The following TRAF3IP3 variants were observed in gnomAD, a reference collection of about 807,000 sequenced individuals.
TRAF3IP3 encodes TRAF3-interacting JNK-activating modulator.
In TRAF3IP3, 64 loss-of-function variants were observed where a neutral mutation model predicts 86.5. That is an observed-to-expected ratio of 0.74 (90% confidence interval 0.60 to 0.91). The LOEUF is 0.91. Ranked by LOEUF, TRAF3IP3 falls within the 40% of genes least tolerant of loss-of-function variation. TRAF3IP3 has a pLI of 0.00. For missense variants in TRAF3IP3, 579 were observed against 642.9 expected (o/e 0.90, Z 1.07); for synonymous variants, 220 against 243.9 (o/e 0.90, Z 0.91).
chr1:209,768,624 G>A (rs747490869), intron 8 of TRAF3IP3: 22 of 985,742 alleles, frequency 2.2e-5, no homozygotes, highest in African/African-American at 3.5e-5. Flanking sequence ...GGAAAACCAC[G>A]CAGAAGCAGG....
At position 209,762,630 on chromosome 1, in the gene TRAF3IP3, C is replaced by G; in HGVS notation, c.461C>G (p.Thr154Ser). The G allele has an allele frequency of 6.7e-7, 1 of 1,482,614 alleles. No homozygotes were observed. Among genetic ancestry groups the G allele is most frequent in the Admixed American group, 2.1e-5 (1 of 46,854 alleles). 91.8% of individuals were successfully genotyped at this position (1,482,614 alleles called of 1,614,324 possible). A position where few individuals can be genotyped will look rare whatever the true frequency, so the allele number is the denominator to read the frequency against. The change falls in exon 4 of 17, where the codon ACT becomes AGT. Residue 154 changes from threonine (T) to serine (S), a missense_variant. Thr to Ser is a moderately conservative substitution (Grantham distance 58, BLOSUM62 1). Coordinates refer to ENST00000367025, the MANE Select transcript of TRAF3IP3 (RefSeq NM_025228.4). ...GCTGGGGGCCTTCCTCCACAGGACA[C>G]TCCCATCAAGAAGCCACCCAAACAC... Reference protein sequence around the residue: ...SQAGGLPPQDTPIKKPPKHHR... With the variant: ...SQAGGLPPQDSPIKKPPKHHR...
Position 209,760,038 on chromosome 1 carries a change from T to A in TRAF3IP3, c.-2T>A. 6.2e-7 allele frequency: 1 copy of A among 1,604,142 alleles called. No homozygotes were observed. The highest frequency in any genetic ancestry group is 1.7e-5 in the Admixed American group (1 of 59,782). On this transcript the variant is annotated 5_prime_UTR_variant, in exon 3 of 17. Transcript: ENST00000367025. ...AAGCGCAACAGGTGCTTGGAGGTCA[T>A]CATGATCAGCCCAGACCCCAGGCCC...
rs1211652210 is a variant in TRAF3IP3, at chr1:209,775,755, G to A, written c.1053+19G>A. ...ACTGCAGGTACCAGGCACTGGGGGT[G>A]GGGAGGGAAGACAGGGTATGGGGAG... On this transcript the variant is annotated intron_variant, in intron 11 of 16. Coordinates refer to ENST00000367025, the MANE Select transcript of TRAF3IP3 (RefSeq NM_025228.4). 8.8e-6 allele frequency: 14 copies of A among 1,599,068 alleles called. No individual in the cohort carries two copies. The highest frequency in any genetic ancestry group is 1.2e-5 in the Non-Finnish European group (14 of 1,172,610).
intron 8 of TRAF3IP3, among the ~76,000 whole-genome samples, chr1:209,771,936 CAGGTGTGCGTGTGCATGTGA>C (rs2077548267): frequency 1.3e-5 from 1 of 78,438 alleles, no homozygotes; most frequent in Non-Finnish European, 2.5e-5. Flanking sequence ...TGTGCATATG[CAGGTGTGCGTGTGCATGTGA>C]AGGTGTGTGT....
In TRAF3IP3 at chr1:209,781,384, G is replaced by A. The variant is rs750146479; in HGVS notation, c.1489G>A (p.Glu497Lys). ...LHSELDNLSD[E>K]YLSCLRKLQH... ...TTCAGAATTAGACAACCTCAGTGAC[G>A]AGTATCTCTCCTGCCTGCGTAAGCT... is the stretch of plus-strand genomic sequence containing the variant. The change falls in exon 16 of 17, where the codon GAG becomes AAG. Residue 497 changes from glutamate (E) to lysine (K), a missense_variant. Transcript: ENST00000367025. 4.5e-5 allele frequency: 72 copies of A among 1,613,382 alleles called. No individual in the cohort carries two copies. Among genetic ancestry groups the A allele is most frequent in the Admixed American group, 1.0e-4 (6 of 59,994 alleles).
intron 8 of TRAF3IP3, among the ~76,000 whole-genome samples, chr1:209,770,346 G>A (rs1018382349): frequency 6.6e-6 from 1 of 151,940 alleles, no homozygotes; most frequent in Non-Finnish European, 1.5e-5. Context: ...TGTGGAGATG[G>A]AAGTGTGTAT....
At chr1:209,778,796 A>C in intron 13 of TRAF3IP3, 1 of 157,536 alleles carries the variant, frequency 6.3e-6, no homozygotes, top group Non-Finnish European at 1.4e-5. Context: ...GAGACATGGT[A>C]GGGGGAGATA....
chr1:209,759,942 T>TCTGACCCCTCCCCTTCTC (rs2102428141), intron 2 of TRAF3IP3, 40 bp from the exon 3 acceptor site: 2 of 1,002,208 alleles, frequency 2.0e-6, no homozygotes, highest in Non-Finnish European at 3.1e-6. Flanking sequence ...CTGCCCATCT[T>TCTGACCCCTCCCCTTCTC]CTGACCCCTC....
At chr1:209,778,284 C>A in intron 13 of TRAF3IP3, 111 bp downstream of exon 13, 1 of 766,906 alleles carries the variant, frequency 1.3e-6, no homozygotes, top group Non-Finnish European at 2.2e-6. Flanking sequence ...TATGCTCTAA[C>A]TCTGTGCACT....
rs1276722718 is a variant in TRAF3IP3 at position 209,763,208 on chromosome 1, G to T, written c.576+116G>T. On this transcript the variant is annotated intron_variant, in intron 6 of 16. Coordinates refer to ENST00000367025, the MANE Select transcript of TRAF3IP3 (RefSeq NM_025228.4). ...GGGCATCTTCTTCCTGGATGGCAAG[G>T]GGGTACTGAGCATAGACATGGGGAC... 18 of 1,385,216 alleles carry T rather than the reference G, an allele frequency of 1.3e-5. 1 individual carries two copies. In the Admixed American group the frequency reaches 2.9e-4, roughly 22 times the overall value. 85.8% of individuals were successfully genotyped at this position (1,385,216 alleles called of 1,614,324 possible). A position where few individuals can be genotyped will look rare whatever the true frequency, so the allele number is the denominator to read the frequency against.
At chr1:209,776,000 C>T in intron 11 of TRAF3IP3, 1 of 357,742 alleles carries the variant, frequency 2.8e-6, no homozygotes, top group South Asian at 5.7e-5. Context: ...AAAGAACTGG[C>T]TGGAATATTC....
In TRAF3IP3 at chr1:209,780,484, G is replaced by T. The variant is rs758375285; in HGVS notation, c.1327G>T (p.Val443Leu). The T allele has an allele frequency of 1.9e-6, 3 of 1,592,492 alleles. No homozygotes were observed. The highest frequency in any genetic ancestry group is 1.7e-5 in the Admixed American group (1 of 58,182). ...TGCTTTTTTAGATCAGGCTTTGCCC[G>T]TGTGGAGTCCAAAGTCCTTCCCTAA... ...LLTKKDQALP[V>L]WSPKSFPNEV... The change falls in exon 15 of 17, where the codon GTG becomes TTG. Residue 443 changes from valine to leucine, a missense_variant. Transcript: ENST00000367025.
chr1:209,764,956 C>T (rs1051077235), intron 8 of TRAF3IP3, among the ~76,000 whole-genome samples: 16 of 152,074 alleles, frequency 1.1e-4, no homozygotes, highest in African/African-American at 3.6e-4. Flanking sequence ...AGGAAGATCA[C>T]CTGAGGTCAG....
intron 16 of TRAF3IP3, 135 bp from the exon 17 acceptor site, chr1:209,781,921 C>G (rs1388323931): frequency 1.5e-6 from 1 of 657,700 alleles, no homozygotes; most frequent in African/African-American, 1.8e-5. Flanking sequence ...AAATGGGAGA[C>G]AGAGTAAAAA....
intron 12 of TRAF3IP3, chr1:209,777,879 T>G: frequency 1.7e-6 from 1 of 586,964 alleles, no homozygotes. Context: ...GAGGACTAGA[T>G]AGTGTGTAAA....
rs771675397 is a variant in TRAF3IP3, at chr1:209,782,122, GC to G, written c.1632del (p.Asn545IlefsTer5). 1 of 1,614,014 alleles carries G rather than the reference GC, an allele frequency of 6.2e-7. No individual in the cohort carries two copies. Among genetic ancestry groups the G allele is most frequent in the African/African-American group, 1.3e-5 (1 of 74,910 alleles). On this transcript the variant is annotated frameshift_variant, in exon 17 of 17. Transcript: ENST00000367025. LOFTEE classifies it high-confidence loss of function. The stretch of plus-strand genomic sequence containing the variant: ...TGCTGCAGCACTGGCAGTGTTCCTG[GC>G]CAATAAAGACAACCTGATGATCTGA... ...VIAAALAVFL[A>X]NKDNLMI
chr1:209,770,702 TGTG>T (rs2077462297), intron 8 of TRAF3IP3, among the ~76,000 whole-genome samples: 1 of 136,186 alleles, frequency 7.3e-6, no homozygotes, highest in Non-Finnish European at 1.6e-5. Context: ...CATGTGGAGG[TGTG>T]TGTGTGCAGG....
Position 209,775,453 on chromosome 1 carries a change from G to A in TRAF3IP3, c.879G>A (p.Glu293=), listed in dbSNP as rs768043501. The A allele has an allele frequency of 9.9e-6, 16 of 1,614,234 alleles. No homozygotes were observed. The highest frequency in any genetic ancestry group is 1.4e-5 in the Non-Finnish European group (16 of 1,180,050). Residue 293 remains glutamate, a synonymous_variant, in exon 10 of 17, where the codon GAG becomes GAA. Coordinates refer to ENST00000367025, the MANE Select transcript of TRAF3IP3 (RefSeq NM_025228.4). The part of the protein sequence containing the change: ...AKESLQKVLE[E]KMNAEQQLQS... Reference sequence around the variant, plus strand: ...AGTCACTGCAGAAAGTGCTGGAGGAGAAAATGAATGCAGAGCAGCAACTAC... The same window carrying A: ...AGTCACTGCAGAAAGTGCTGGAGGAAAAAATGAATGCAGAGCAGCAACTAC...
intron 13 of TRAF3IP3, chr1:209,778,931 G>A (rs1039042195): frequency 2.2e-5 from 5 of 229,278 alleles, no homozygotes; most frequent in Middle Eastern, 1.7e-3. Flanking sequence ...TTCTGAGGGC[G>A]TTTAGGGAAA....
Sources: gnomAD v4.1 joint callset for allele counts (sites outside exome capture counted in the v4.1 genomes callset) on GRCh38, gnomAD v4.1.1 for gene constraint, MANE v1.5 for transcripts, NCBI Gene and HGNC (gene_info 2026-07-23, HGNC 2026-07-21) for gene names.